Variants in ARPP21 observed in about 807,000 individuals in gnomAD.
ARPP21 encodes the protein cAMP regulated phosphoprotein 21, also known as cAMP-regulated phosphoprotein 21.
In ARPP21, 69 loss-of-function variants were observed where a neutral mutation model predicts 113.2. That is an observed-to-expected ratio of 0.61 (90% CI 0.50 to 0.74). ARPP21 has a LOEUF of 0.74. Among genes scored for constraint, ARPP21 ranks in the 30% least tolerant of loss-of-function variants. ARPP21 has a pLI of 0.00. For synonymous variants in ARPP21, 368 were observed against 375.5 expected, an observed-to-expected ratio of 0.98 and a Z score of 0.23; for missense variants, 1,070 against 1,037.4, an observed-to-expected ratio of 1.03 and a Z score of -0.43.
chr3:35,778,914 T>G (rs577523006), intron 19 of ARPP21, among the ~76,000 whole-genome samples: 9 of 152,356 alleles, frequency 5.9e-5, no homozygotes, highest in African/African-American at 2.2e-4. Context: ...CTGTTTGAGT[T>G]AGTGTAAGTG....
intron 6 of ARPP21, among the ~76,000 whole-genome samples, chr3:35,688,880 AT>A (rs11457892): frequency 0.11 from 15,976 of 146,640 alleles, 858 homozygotes; most frequent in Non-Finnish European, 0.12. Context: ...CAGAACATTC[AT>A]TTTTTTTTTT....
chr3:35,741,212 A>G (rs116158664), intron 18 of ARPP21, among the ~76,000 whole-genome samples: 3,849 of 152,312 alleles, frequency 0.025, 69 homozygotes, highest in Non-Finnish European at 0.04. Flanking sequence ...GCAATTCATA[A>G]CCCCTCTTGT....
intron 14 of ARPP21, among the ~76,000 whole-genome samples, chr3:35,726,992 A>T (rs1399609666): frequency 6.6e-6 from 1 of 152,214 alleles, no homozygotes; most frequent in Non-Finnish European, 1.5e-5. Flanking sequence ...TGGGAATATG[A>T]CCACAGAGTC....
chr3:35,651,274 T>G (rs1247342024), intron 1 of ARPP21, among the ~76,000 whole-genome samples: 1 of 152,040 alleles, frequency 6.6e-6, no homozygotes, highest in African/African-American at 2.4e-5. Flanking sequence ...GAAATATATA[T>G]TGCCTCTGAC....
At chr3:35,792,309 A>C in intron 19 of ARPP21, 73 bp from the exon 20 acceptor site, 2 of 1,370,270 alleles carry the variant, frequency 1.5e-6, no homozygotes, top group East Asian at 4.6e-5. Context: ...CTTTTGAACC[A>C]GTAGTTTTAC....
intron 1 of ARPP21, among the ~76,000 whole-genome samples, chr3:35,674,757 A>G (rs2077083453): frequency 6.6e-6 from 1 of 151,906 alleles, no homozygotes; most frequent in Non-Finnish European, 1.5e-5. Flanking sequence ...AAATGTGTCC[A>G]TGTGATTTGG....
At chr3:35,719,882 A>C (rs1361486000) in intron 13 of ARPP21, among the ~76,000 whole-genome samples, 1 of 152,274 alleles carries the variant, frequency 6.6e-6, no homozygotes, top group Non-Finnish European at 1.5e-5. Flanking sequence ...AACATAGTTT[A>C]ACATACTCAT....
chr3:35,771,757 C>A (rs1014862589), intron 19 of ARPP21, among the ~76,000 whole-genome samples: 2 of 151,868 alleles, frequency 1.3e-5, no homozygotes, highest in Non-Finnish European at 2.9e-5. Flanking sequence ...AACAGTGAGA[C>A]AAAGATAAAT....
intron 19 of ARPP21, among the ~76,000 whole-genome samples, chr3:35,790,712 A>T (rs964837584): frequency 8.5e-5 from 13 of 152,194 alleles, no homozygotes; most frequent in Non-Finnish European, 1.8e-4. Flanking sequence ...CCTGCCAAGC[A>T]TATTAAAGGA....
chr3:35,723,057 T>C (rs1307557654), intron 14 of ARPP21, among the ~76,000 whole-genome samples: 1 of 152,150 alleles, frequency 6.6e-6, no homozygotes, highest in Non-Finnish European at 1.5e-5. Flanking sequence ...GTGATTCTGT[T>C]GTATGCTCTG....
chr3:35,687,377 T>A (rs1175261497), intron 5 of ARPP21, among the ~76,000 whole-genome samples: 2 of 151,306 alleles, frequency 1.3e-5, no homozygotes, highest in Non-Finnish European at 3.0e-5. Flanking sequence ...GAGGACTTTT[T>A]TTTTTTAATA....
intron 11 of ARPP21, 80 bp downstream of exon 11, chr3:35,709,150 T>A (rs923707503): frequency 2.1e-6 from 2 of 950,156 alleles, no homozygotes; most frequent in African/African-American, 3.3e-5. Context: ...GACAGCGAGG[T>A]GGCAGGGAAT....
At chr3:35,651,927 T>A (rs545028901) in intron 1 of ARPP21, 2 of 152,110 alleles carry the variant, frequency 1.3e-5, no homozygotes, top group Admixed American at 6.6e-5. Context: ...CTCTATATGA[T>A]GAATGCTTCC....
chr3:35,701,164 C>CA (rs1393038450), intron 9 of ARPP21, among the ~76,000 whole-genome samples: 1 of 151,296 alleles, frequency 6.6e-6, no homozygotes, highest in African/African-American at 2.4e-5. Flanking sequence ...ACATAGGGGC[C>CA]AAACAATCTG....
chr3:35,647,074 A>C (rs952059047), intron 1 of ARPP21, among the ~76,000 whole-genome samples: 1 of 152,216 alleles, frequency 6.6e-6, no homozygotes, highest in African/African-American at 2.4e-5. Flanking sequence ...TGCTGCAGCT[A>C]TCTGCTTACC....
In ARPP21 at chr3:35,721,793, G is replaced by C; in HGVS notation, c.1184G>C (p.Ser395Thr). The C allele has an allele frequency of 6.2e-7, 1 of 1,612,796 alleles. No individual in the cohort carries two copies. Among genetic ancestry groups the C allele is most frequent in the Middle Eastern group, 1.7e-4 (1 of 6,060 alleles). Reference sequence around the variant, plus strand: ...ATCACGGTGCTGACCAGGGGTGACAGCACTTCCAGTACTAGGAGTACCGGG... The same window carrying C: ...ATCACGGTGCTGACCAGGGGTGACACCACTTCCAGTACTAGGAGTACCGGG... Reference protein sequence around the residue: ...GGITVLTRGDSTSSTRSTGKL... With the variant: ...GGITVLTRGDTTSSTRSTGKL... Residue 395 changes from serine (S) to threonine (T), a missense_variant, in exon 14 of 21, where the codon AGC becomes ACC. Transcript: ENST00000684406.
At chr3:35,748,208 A>G (rs1430513289) in intron 19 of ARPP21, among the ~76,000 whole-genome samples, 1 of 148,558 alleles carries the variant, frequency 6.7e-6, no homozygotes, top group Non-Finnish European at 1.5e-5. Context: ...AGAGAGAGGG[A>G]GGGAGGAAGG....
chr3:35,673,782 G>T (rs1244706949), intron 1 of ARPP21, among the ~76,000 whole-genome samples: 1 of 151,884 alleles, frequency 6.6e-6, no homozygotes, highest in Non-Finnish European at 1.5e-5. Flanking sequence ...ACCTCTAACT[G>T]CATCACATTT....
chr3:35,666,656 A>G (rs1046015647), intron 1 of ARPP21, among the ~76,000 whole-genome samples: 9 of 151,898 alleles, frequency 5.9e-5, no homozygotes, highest in Non-Finnish European at 1.2e-4. Context: ...CTTCTTCTTA[A>G]TTTTAGCTTT....
Sources: gnomAD v4.1 joint callset for allele counts (sites outside exome capture counted in the v4.1 genomes callset) on GRCh38, gnomAD v4.1.1 for gene constraint, MANE v1.5 for transcripts, NCBI Gene and HGNC (gene_info 2026-07-23, HGNC 2026-07-21) for gene names.